Variants in PDE1A observed in about 807,000 individuals in gnomAD.
PDE1A encodes dual specificity calcium/calmodulin-dependent 3',5'-cyclic nucleotide phosphodiesterase 1A.
PDE1A carries 35 observed loss-of-function variants against 61.7 expected under a neutral mutation model. The ratio of observed to expected loss-of-function variants is 0.57; its 90% CI spans 0.43 to 0.75. The LOEUF is 0.75. Ranked by LOEUF, PDE1A falls within the 30% of genes least tolerant of loss-of-function variation. The pLI is 0.00. For missense variants in PDE1A, 597 were observed against 630.6 expected (o/e 0.95, Z 0.57); for synonymous variants, 232 against 213.2 (o/e 1.09, Z -0.77).
At chr2:182,262,165 TTC>T (rs1692265091) in intron 2 of PDE1A, among the ~76,000 whole-genome samples, 1 of 152,010 alleles carries the variant, frequency 6.6e-6, no homozygotes, top group Non-Finnish European at 1.5e-5. Flanking sequence ...TTTCTTTCTC[TTC>T]TTTCTTTCCC....
the PDE1A span, among the ~76,000 whole-genome samples, chr2:182,702,569 A>G: frequency 2.0e-5 from 3 of 152,222 alleles, no homozygotes; most frequent in African/African-American, 7.2e-5. Flanking sequence ...TAAAATATGC[A>G]CAATGAATTA....
At chr2:182,503,058 CACACACACACACACAT>C (rs369728399) in intron 2 of PDE1A, among the ~76,000 whole-genome samples, 46,296 of 124,306 alleles carry the variant, frequency 0.37, 7,579 homozygotes, top group South Asian at 0.51. Flanking sequence ...CACACACACA[CACACACACACACACAT>C]ACACACACAC....
the PDE1A span, among the ~76,000 whole-genome samples, chr2:182,604,366 T>C: frequency 1.3e-5 from 2 of 152,156 alleles, no homozygotes; most frequent in Non-Finnish European, 2.9e-5. Context: ...AAGAGGAAAT[T>C]TGCTATTTCT....
At chr2:182,633,375 T>C in the PDE1A span, among the ~76,000 whole-genome samples, 4 of 152,330 alleles carry the variant, frequency 2.6e-5, no homozygotes, top group East Asian at 3.9e-4. Context: ...TCCTGTTTCC[T>C]ACCTACATTA....
intron 1 of PDE1A, chr2:182,522,614 T>C (rs991543012): frequency 5.4e-6 from 7 of 1,297,920 alleles, no homozygotes; most frequent in African/African-American, 3.0e-5. Flanking sequence ...ACAGATGCTC[T>C]GACCTCACAA....
chr2:182,557,769 TCCATGCACAG>T, the PDE1A span, among the ~76,000 whole-genome samples: 1 of 151,904 alleles, frequency 6.6e-6, no homozygotes, highest in Non-Finnish European at 1.5e-5. Context: ...TCTAAATGTC[TCCATGCACAG>T]AAGAATATTA....
intron 2 of PDE1A, among the ~76,000 whole-genome samples, chr2:182,515,362 T>G (rs143455790): frequency 6.6e-5 from 10 of 152,340 alleles, no homozygotes; most frequent in African/African-American, 2.2e-4. Context: ...AGTAAATGAA[T>G]GATCAATTCA....
intron 1 of PDE1A, among the ~76,000 whole-genome samples, chr2:182,306,935 A>C (rs1301924282): frequency 6.6e-6 from 1 of 152,194 alleles, no homozygotes; most frequent in African/African-American, 2.4e-5. Flanking sequence ...CAACAAAAGC[A>C]AAAGTAGATA....
chr2:182,187,737 C>CTTTTTT (rs1038970569), intron 11 of PDE1A, among the ~76,000 whole-genome samples: 191 of 66,368 alleles, frequency 2.9e-3, no homozygotes, highest in Non-Finnish European at 3.1e-3. Flanking sequence ...TTTTTTTGTT[C>CTTTTTT]TTTTTTTTTT....
intron 13 of PDE1A, among the ~76,000 whole-genome samples, chr2:182,175,675 G>A (rs1692688099): frequency 1.5e-5 from 1 of 64,860 alleles, no homozygotes; most frequent in African/African-American, 6.1e-5. Flanking sequence ...CTGTGCAGAA[G>A]CTCTTTAGTT....
At chr2:182,692,116 C>T in the PDE1A span, among the ~76,000 whole-genome samples, 4 of 152,230 alleles carry the variant, frequency 2.6e-5, no homozygotes, top group South Asian at 2.1e-4. Context: ...GACAGTGTGG[C>T]GATTCCTCGG....
intron 1 of PDE1A, among the ~76,000 whole-genome samples, chr2:182,417,234 C>T (rs1430159): frequency 0.69 from 105,000 of 152,144 alleles, 36,596 homozygotes; most frequent in East Asian, 0.92. Context: ...GCTAATGTTC[C>T]TTCCTTCTTC....
At chr2:182,211,680 A>T (rs1239423834) in intron 7 of PDE1A, among the ~76,000 whole-genome samples, 1 of 152,202 alleles carries the variant, frequency 6.6e-6, no homozygotes, top group Non-Finnish European at 1.5e-5. Context: ...TTATTTCATC[A>T]AAGTTTTACA....
the PDE1A span, among the ~76,000 whole-genome samples, chr2:182,590,845 C>T: frequency 1.3e-5 from 2 of 152,180 alleles, no homozygotes; most frequent in Non-Finnish European, 2.9e-5. Flanking sequence ...CTAATTTGCA[C>T]TGGAAATGAC....
intron 1 of PDE1A, among the ~76,000 whole-genome samples, chr2:182,403,610 A>AAAAAAAAAAAAAAAG (rs1462512324): frequency 6.6e-6 from 1 of 151,010 alleles, no homozygotes; most frequent in African/African-American, 2.5e-5. Context: ...AAAAAAAAAA[A>AAAAAAAAAAAAAAAG]AAAAGAAAAT....
chr2:182,609,692 C>T, the PDE1A span, among the ~76,000 whole-genome samples: 2 of 152,232 alleles, frequency 1.3e-5, no homozygotes, highest in Admixed American at 6.5e-5. Context: ...ACACTCACCG[C>T]GAGGGTTCGC....
intron 1 of PDE1A, among the ~76,000 whole-genome samples, chr2:182,294,997 T>C (rs1233642417): frequency 6.7e-6 from 1 of 150,198 alleles, no homozygotes; most frequent in Non-Finnish European, 1.5e-5. Flanking sequence ...TAATTTTAGG[T>C]AACTTGGTTA....
intron 1 of PDE1A, among the ~76,000 whole-genome samples, chr2:182,266,619 T>C (rs1559273760): frequency 6.6e-6 from 1 of 152,306 alleles, no homozygotes; most frequent in African/African-American, 2.4e-5. Context: ...AACACTACAT[T>C]TTCTAAGCTC....
intron 3 of PDE1A, among the ~76,000 whole-genome samples, chr2:182,237,556 A>G (rs1202573645): frequency 1.3e-5 from 2 of 152,226 alleles, no homozygotes; most frequent in Non-Finnish European, 1.5e-5. Context: ...AGACTTATTT[A>G]GTGGAAGGCA....
Sources: gnomAD v4.1 joint callset for allele counts (sites outside exome capture counted in the v4.1 genomes callset) on GRCh38, gnomAD v4.1.1 for gene constraint, MANE v1.5 for transcripts, NCBI Gene and HGNC (gene_info 2026-07-23, HGNC 2026-07-21) for gene names.